Variants in SIGLEC12 observed in about 807,000 individuals in gnomAD.
SIGLEC12 encodes sialic acid binding Ig like lectin 12, also known as sialic acid-binding Ig-like lectin 12.
In SIGLEC12, 43 loss-of-function variants were observed where a neutral mutation model predicts 54.1. The ratio of observed to expected loss-of-function variants is 0.80; its 90% CI spans 0.62 to 1.03. The LOEUF (loss-of-function observed/expected upper bound fraction) is 1.03, where lower values mean the gene tolerates loss of function less well. Ranked by LOEUF, SIGLEC12 falls within the 50% of genes least tolerant of loss-of-function variation. The pLI, the probability that SIGLEC12 is intolerant of heterozygous loss-of-function variation, is 0.00. For missense variants in SIGLEC12, 802 were observed against 735.2 expected (o/e 1.09, Z -1.05); for synonymous variants, 357 against 307.6 (o/e 1.16, Z -1.68).
chr19:51,496,101 G>T (rs536500532), intron 7 of SIGLEC12, among the ~76,000 whole-genome samples: 8 of 152,314 alleles, frequency 5.3e-5, no homozygotes, highest in African/African-American at 1.9e-4. Flanking sequence ...AAAATTAAAA[G>T]GGTGCCCCAA....
At position 51,495,289 on chromosome 19, in the gene SIGLEC12, A is replaced by G. The variant is rs547420875; in HGVS notation, c.1599+1591T>C. ...GATGGATGGATGGATGGATGGATGG[A>G]TGGATGGACGGACGGACGGGTGGGT... On this transcript the variant is annotated intron_variant, in intron 7 of 7. Coordinates refer to ENST00000291707, the MANE Select transcript of SIGLEC12 (RefSeq NM_053003.4). Among the ~76,000 whole-genome samples the G allele has an allele frequency of 7.4e-4, 95 of 128,322 alleles. 7 individuals are homozygous for G. The highest frequency in any genetic ancestry group is 1.4e-3 in the Non-Finnish European group (85 of 59,438). 84.2% of individuals were successfully genotyped at this position (128,322 alleles called of 152,430 possible).
chr19:51,493,846 C>G (rs377255050), intron 7 of SIGLEC12, among the ~76,000 whole-genome samples: 61 of 152,336 alleles, frequency 4.0e-4, no homozygotes, highest in African/African-American at 1.4e-3. Context: ...CACACAGTCT[C>G]TTCTGCACAC....
At chr19:51,492,110 G>A (rs755429617) in intron 7 of SIGLEC12, among the ~76,000 whole-genome samples, 13 of 152,040 alleles carry the variant, frequency 8.6e-5, no homozygotes, top group Non-Finnish European at 1.6e-4. Context: ...AGTACCCTGC[G>A]CAAACTCCCT....
In SIGLEC12 at chr19:51,499,564, T is replaced by C; in HGVS notation, c.961A>G (p.Ile321Val). 1 of 1,611,744 alleles carries C rather than the reference T, an allele frequency of 6.2e-7. No individual in the cohort carries two copies. ...GASVSSLDPT[I>V]TRSSMLSLIP... ...AGGCTGAGCATCGAGGAGCGAGTGA[T>C]AGTGGGGTCCAGGGAGGACACGGAG... The change falls in exon 3 of 8, where the codon ATC becomes GTC. Residue 321 changes from isoleucine to valine, a missense_variant. Ile to Val is a conservative substitution (Grantham distance 29). Transcript: ENST00000291707.
intron 7 of SIGLEC12, among the ~76,000 whole-genome samples, 170 bp downstream of exon 7, chr19:51,496,710 C>T (rs1990248120): frequency 6.6e-6 from 1 of 151,798 alleles, no homozygotes; most frequent in Admixed American, 6.6e-5. Context: ...TGAGAGGGGT[C>T]AGGATGGGAT....
chr19:51,499,965 T>A lies in SIGLEC12; in HGVS notation c.763A>T (p.Arg255Trp). The change falls in exon 2 of 8, where the codon AGG (arginine) becomes TGG (tryptophan). Residue 255 changes from arginine (R) to tryptophan (W), a missense_variant. Physicochemically the swap from Arg to Trp is moderately radical, Grantham distance 101 (BLOSUM62 -3). Coordinates refer to ENST00000291707, the MANE Select transcript of SIGLEC12 (RefSeq NM_053003.4). ...TTGTCATATATGTAGTTCCATTTCC[T>A]GCTTCCTCTCTCCACCTGGAAGTAG... ...KYYFQVERGS[R>W]KWNYIYDKLS... 1 of 1,614,056 alleles carries A rather than the reference T, an allele frequency of 6.2e-7. No individual in the cohort carries two copies. Among genetic ancestry groups the A allele is most frequent in the Non-Finnish European group, 8.5e-7 (1 of 1,179,950 alleles).
intron 7 of SIGLEC12, 137 bp from the exon 8 acceptor site, chr19:51,491,966 C>T (rs771725477): frequency 1.7e-6 from 1 of 585,652 alleles, no homozygotes; most frequent in Non-Finnish European, 2.8e-6. Flanking sequence ...TTAATACGTT[C>T]CTCTAATGTC....
Position 51,501,499 on chromosome 19 carries a change from T to G in SIGLEC12, c.235A>C (p.Asn79His). Residue 79 changes from asparagine to histidine, a missense_variant, in exon 1 of 8, where the codon AAC becomes CAC. Physicochemically the swap from Asn to His is moderately conservative, Grantham distance 68 (BLOSUM62 1). Transcript: ENST00000291707. ...TCCTGCACTGCTCGAGCTGGGTTGT[T>G]TGTGGCCACTGGAATGTTCCGGCTT... The part of the protein sequence containing the change: ...HVSRNIPVAT[N>H]NPARAVQEET... 6.2e-7 allele frequency: 1 copy of G among 1,612,366 alleles called. No homozygotes were observed. The highest frequency in any genetic ancestry group is 8.5e-7 in the Non-Finnish European group (1 of 1,179,540).
In SIGLEC12 at chr19:51,495,216, G is replaced by GAT. The variant is rs1325716721; in HGVS notation, c.1599+1663_1599+1664insAT. Among the ~76,000 whole-genome samples the GAT allele has an allele frequency of 1.1e-4, 16 of 147,806 alleles. 2 individuals carry two copies. Among genetic ancestry groups the GAT allele is most frequent in the East Asian group, 2.1e-4 (1 of 4,868 alleles). On this transcript the variant is annotated intron_variant, in intron 7 of 7. Coordinates refer to ENST00000291707, the MANE Select transcript of SIGLEC12 (RefSeq NM_053003.4). ...GGATGGATGGACGGACGGGTGGGTGGGTGGATGGATGGATGGATGGATGGA... is the reference window on the plus strand; with the variant it reads ...GGATGGATGGACGGACGGGTGGGTGGATGTGGATGGATGGATGGATGGATGGA...
Position 51,500,904 on chromosome 19 carries a change from AC to A in SIGLEC12, c.427+402del, listed in dbSNP as rs572607441. On this transcript the variant is annotated intron_variant, in intron 1 of 7. Coordinates refer to ENST00000291707, the MANE Select transcript of SIGLEC12 (RefSeq NM_053003.4). ...AAGGCTCTCAACTGGGGAGGACTTAACCCCCCAGGACGTTTGACAATGTGTG... is the reference window on the plus strand; with the variant it reads ...AAGGCTCTCAACTGGGGAGGACTTAACCCCCAGGACGTTTGACAATGTGTG... Among the ~76,000 whole-genome samples the A allele has an allele frequency of 5.9e-3, 887 of 151,556 alleles. 6 individuals are homozygous for A. Among genetic ancestry groups the A allele is most frequent in the Non-Finnish European group, 0.011 (716 of 67,844 alleles).
chr19:51,494,679 A>T (rs1252248967), intron 7 of SIGLEC12, among the ~76,000 whole-genome samples: 3 of 152,244 alleles, frequency 2.0e-5, no homozygotes, highest in African/African-American at 7.2e-5. Context: ...TCACGGCAGC[A>T]TTATTCACAA....
At chr19:51,498,336 A>G in intron 4 of SIGLEC12, 49 bp from the exon 5 acceptor site, 1 of 1,492,310 alleles carries the variant, frequency 6.7e-7, no homozygotes, top group Non-Finnish European at 9.0e-7. Flanking sequence ...TGATCGAGGC[A>G]GGGAGGAAGG....
At position 51,491,344 on chromosome 19, in the gene SIGLEC12, G is replaced by A. The variant is rs977145348; in HGVS notation, c.*297C>T. On this transcript the variant is annotated 3_prime_UTR_variant, in exon 8 of 8. Transcript: ENST00000291707. ...CATTATGTTGAGTGAAATAAGCCAG[G>A]TACAGAGAGACAAACACTCTACGAT... 2.8e-6 allele frequency: 1 copy of A among 355,032 alleles called. No individual in the cohort carries two copies. Among genetic ancestry groups the A allele is most frequent in the Non-Finnish European group, 5.2e-6 (1 of 193,200 alleles). The allele number at this position is 355,032 out of a possible 1,614,324, so 22.0% of individuals were successfully genotyped here.
In SIGLEC12 at chr19:51,495,257, G is replaced by A. The variant is rs1384431074; in HGVS notation, c.1599+1623C>T. Among the ~76,000 whole-genome samples, 763 of 96,304 alleles carry A rather than the reference G, an allele frequency of 7.9e-3. 36 individuals carry two copies. Among genetic ancestry groups the A allele is most frequent in the Middle Eastern group, 0.02 (2 of 100 alleles). 63.2% of individuals were successfully genotyped at this position (96,304 alleles called of 152,430 possible). ...GATGGATGGATGGATGGACGGGTGGGTGGGTGGATGGATGGATGGATGGAT... is the reference window on the plus strand; with the variant it reads ...GATGGATGGATGGATGGACGGGTGGATGGGTGGATGGATGGATGGATGGAT... On this transcript the variant is annotated intron_variant, in intron 7 of 7. Transcript: ENST00000291707.
Position 51,491,667 on chromosome 19 carries a change from A to T in SIGLEC12, c.1762T>A (p.Tyr588Asn), listed in dbSNP as rs753448863. ...PQEQEAIGYE[Y>N]SEINIPK ...CACTTGGGGATGTTGATCTCGGAGT[A>T]CTCATAGCCGATGGCCTCCTGTTCC... is the stretch of plus-strand genomic sequence containing the variant. The change falls in exon 8 of 8, where the codon TAC becomes AAC. Residue 588 changes from tyrosine to asparagine, a missense_variant. By Grantham distance (143) the Tyr-to-Asn change is moderately radical. Coordinates refer to ENST00000291707, the MANE Select transcript of SIGLEC12 (RefSeq NM_053003.4). 11 of 1,613,398 alleles carry T rather than the reference A, an allele frequency of 6.8e-6. No individual in the cohort carries two copies. The highest frequency in any genetic ancestry group is 9.3e-6 in the Non-Finnish European group (11 of 1,179,792).
At position 51,495,169 on chromosome 19, in the gene SIGLEC12, G is replaced by GTGGATGGA. The variant is rs747328721; in HGVS notation, c.1599+1703_1599+1710dup. 2.0e-4 allele frequency among the ~76,000 whole-genome samples: 20 copies of GTGGATGGA among 99,734 alleles called. 1 individual carries two copies. The highest frequency in any genetic ancestry group is 4.3e-4 in the African/African-American group (12 of 27,930). The allele number at this position is 99,734 out of a possible 152,430, so 65.4% of individuals were successfully genotyped here. ...GATGGATGGATGGACGGGTGGGTGG[G>GTGGATGGA]TGGATGGATGGATGGATGGATGGAT... On this transcript the variant is annotated intron_variant, in intron 7 of 7. Transcript: ENST00000291707.
At chr19:51,495,603 T>A (rs1990223386) in intron 7 of SIGLEC12, among the ~76,000 whole-genome samples, 2 of 152,226 alleles carry the variant, frequency 1.3e-5, no homozygotes, top group Admixed American at 1.3e-4. Flanking sequence ...AAAGCATATA[T>A]CTATCTTTAT....
Position 51,499,992 on chromosome 19 carries a change from A to T in SIGLEC12, c.736T>A (p.Tyr246Asn). ...CTTCCTCTCTCCACCTGGAAGTAGT[A>T]CTTCCCTGAATCCCCCTTCCTGGCA... ...RDARKGDSGK[Y>N]YFQVERGSRK... Residue 246 changes from tyrosine to asparagine, a missense_variant, in exon 2 of 8, where the codon TAC becomes AAC. Transcript: ENST00000291707. 1 of 1,614,134 alleles carries T rather than the reference A, an allele frequency of 6.2e-7. No homozygotes were observed. The highest frequency in any genetic ancestry group is 1.1e-5 in the South Asian group (1 of 91,080).
intron 5 of SIGLEC12, 67 bp downstream of exon 5, chr19:51,497,951 G>C (rs1315258348): frequency 2.5e-5 from 39 of 1,583,144 alleles, no homozygotes; most frequent in South Asian, 1.3e-4. Context: ...GGAAATTCCA[G>C]GTCTCCCAGC....
Sources: gnomAD v4.1 joint callset for allele counts (sites outside exome capture counted in the v4.1 genomes callset) on GRCh38, gnomAD v4.1.1 for gene constraint, MANE v1.5 for transcripts, NCBI Gene and HGNC (gene_info 2026-07-23, HGNC 2026-07-21) for gene names.